The following CNTN4 variants were observed in gnomAD, a reference collection of about 807,000 sequenced individuals.
CNTN4 encodes contactin-4.
CNTN4 carries 77 observed loss-of-function variants against 122.5 expected under a neutral mutation model. The observed-to-expected ratio is 0.63, with a 90% CI of 0.52 to 0.76. The LOEUF (loss-of-function observed/expected upper bound fraction) is 0.76, where lower values mean the gene tolerates loss of function less well. Ranked by LOEUF, CNTN4 falls within the 30% of genes least tolerant of loss-of-function variation. CNTN4 has a pLI of 0.00. For missense variants in CNTN4, 1,256 were observed against 1,259.1 expected, an observed-to-expected ratio of 1.00 and a Z score of 0.04; for synonymous variants, 512 against 447.0, an observed-to-expected ratio of 1.15 and a Z score of -1.83.
chr3:2,498,481 CGTT>C (rs1021005740), intron 3 of CNTN4, among the ~76,000 whole-genome samples: 5 of 149,132 alleles, frequency 3.4e-5, no homozygotes, highest in African/African-American at 4.9e-5. Flanking sequence ...TTGTTGTTGT[CGTT>C]GTTGTTGTTG....
Position 2,522,048 on chromosome 3 carries a change from A to G in CNTN4, c.-88-49368A>G, listed in dbSNP as rs116072422. Among the ~76,000 whole-genome samples, 345 of 152,148 alleles carry G rather than the reference A, an allele frequency of 2.3e-3. 2 individuals carry two copies. Among genetic ancestry groups the G allele is most frequent in the Non-Finnish European group, 1.1e-3 (77 of 67,988 alleles). On this transcript the variant is annotated intron_variant, in intron 3 of 24. Transcript: ENST00000418658. Reference sequence around the variant, plus strand: ...AATAACCTTCTAACTCTGCTTTTTAATTAAACACAGAGCACTTAGGGGTTT... The same window carrying G: ...AATAACCTTCTAACTCTGCTTTTTAGTTAAACACAGAGCACTTAGGGGTTT...
chr3:2,224,493 G>A (rs1018218434), intron 2 of CNTN4, among the ~76,000 whole-genome samples: 52 of 152,050 alleles, frequency 3.4e-4, no homozygotes, highest in African/African-American at 1.2e-3. Context: ...ATTCTACCTG[G>A]GTCCTTTCCC....
chr3:2,260,367 A>T (rs907759575), intron 2 of CNTN4, among the ~76,000 whole-genome samples: 1 of 151,780 alleles, frequency 6.6e-6, no homozygotes, highest in African/African-American at 2.4e-5. Flanking sequence ...CTTCCAGGGG[A>T]TGTAAAATTG....
chr3:2,128,029 T>C (rs966396887), intron 2 of CNTN4, among the ~76,000 whole-genome samples: 1 of 152,224 alleles, frequency 6.6e-6, no homozygotes, highest in African/African-American at 2.4e-5. Context: ...TGTTTCAAAC[T>C]GCAGGCTTTT....
At chr3:2,624,980 A>G (rs1403257897) in intron 4 of CNTN4, among the ~76,000 whole-genome samples, 1 of 152,100 alleles carries the variant, frequency 6.6e-6, no homozygotes, top group African/African-American at 2.4e-5. Context: ...ATGTGAAACT[A>G]GATATATTAT....
chr3:2,820,671 A>G (rs2092843017), intron 7 of CNTN4, among the ~76,000 whole-genome samples: 3 of 152,168 alleles, frequency 2.0e-5, no homozygotes, highest in South Asian at 2.1e-4. Context: ...AAACTCAAGT[A>G]TGGTTGAAAA....
intron 7 of CNTN4, among the ~76,000 whole-genome samples, chr3:2,834,862 T>C (rs2093182595): frequency 6.7e-6 from 1 of 148,312 alleles, no homozygotes; most frequent in South Asian, 2.1e-4. Flanking sequence ...CCAAGCATTA[T>C]TCAAATACAA....
chr3:2,950,880 A>T (rs117052916), intron 13 of CNTN4, among the ~76,000 whole-genome samples: 1 of 152,338 alleles, frequency 6.6e-6, no homozygotes, highest in South Asian at 2.1e-4. Flanking sequence ...CTTACATTTC[A>T]TGACAACACG....
intron 2 of CNTN4, among the ~76,000 whole-genome samples, chr3:2,233,102 T>G (rs969852524): frequency 1.3e-5 from 1 of 78,714 alleles, no homozygotes; most frequent in Non-Finnish European, 2.6e-5. Context: ...GCTGCTATGA[T>G]TATATTTTTA....
At chr3:2,593,747 C>G (rs957852292) in intron 4 of CNTN4, among the ~76,000 whole-genome samples, 26 of 152,054 alleles carry the variant, frequency 1.7e-4, no homozygotes, top group Admixed American at 1.7e-3. Context: ...ATGATTAAAG[C>G]CAGTTTTGCC....
chr3:2,922,660 T>A (rs2094440160), intron 12 of CNTN4, among the ~76,000 whole-genome samples: 1 of 141,032 alleles, frequency 7.1e-6, no homozygotes, highest in South Asian at 2.3e-4. Flanking sequence ...TCCCCCAGGC[T>A]GGAGTGCAGT....
intron 2 of CNTN4, chr3:2,144,168 G>C (rs990505155): frequency 2.1e-4 from 32 of 152,164 alleles, no homozygotes; most frequent in African/African-American, 7.7e-4. Context: ...GGAGCAGGTG[G>C]GACTGGAGCA....
chr3:2,125,978 G>A (rs2034134853), intron 2 of CNTN4, among the ~76,000 whole-genome samples: 1 of 149,638 alleles, frequency 6.7e-6, no homozygotes, highest in Non-Finnish European at 1.5e-5. Flanking sequence ...TCATATTTAG[G>A]ATATACCTCG....
At chr3:2,742,293 G>A (rs2089500813) in intron 5 of CNTN4, among the ~76,000 whole-genome samples, 1 of 152,180 alleles carries the variant, frequency 6.6e-6, no homozygotes, top group East Asian at 1.9e-4. Flanking sequence ...ATTTTGAAAG[G>A]ATTGACCCAG....
chr3:2,567,435 T>C (rs1323560480), intron 3 of CNTN4, among the ~76,000 whole-genome samples: 1 of 152,110 alleles, frequency 6.6e-6, no homozygotes, highest in Non-Finnish European at 1.5e-5. Flanking sequence ...GAGACCAGGC[T>C]CTTGATTTAC....
intron 3 of CNTN4, among the ~76,000 whole-genome samples, chr3:2,434,983 C>T (rs1210967940): frequency 1.3e-5 from 2 of 152,030 alleles, no homozygotes; most frequent in African/African-American, 4.8e-5. Context: ...TCTCTTATAC[C>T]ACAAGAAGGG....
intron 3 of CNTN4, among the ~76,000 whole-genome samples, chr3:2,471,712 C>T (rs995133954): frequency 2.6e-5 from 4 of 152,054 alleles, no homozygotes; most frequent in Admixed American, 6.6e-5. Flanking sequence ...CATGTGCCAA[C>T]GGGAAATTAA....
chr3:2,854,268 C>CTTTTTTTTTTTTTTTTTTTTTTTTTTTTT, intron 7 of CNTN4, among the ~76,000 whole-genome samples: 1 of 90,052 alleles, frequency 1.1e-5, no homozygotes. Flanking sequence ...CTTTCTTCTT[C>CTTTTTTTTTTTTTTTTTTTTTTTTTTTTT]TTTTTTTTTT....
intron 12 of CNTN4, among the ~76,000 whole-genome samples, chr3:2,906,859 A>G (rs1205699427): frequency 6.8e-6 from 1 of 146,008 alleles, no homozygotes; most frequent in Non-Finnish European, 1.5e-5. Flanking sequence ...AAAAAAAAAA[A>G]GAAAAAGAGA....
Sources: gnomAD v4.1 joint callset for allele counts (sites outside exome capture counted in the v4.1 genomes callset) on GRCh38, gnomAD v4.1.1 for gene constraint, MANE v1.5 for transcripts, NCBI Gene and HGNC (gene_info 2026-07-23, HGNC 2026-07-21) for gene names.